The following SLC25A13 variants were observed in gnomAD, a reference collection of about 807,000 sequenced individuals.
SLC25A13 encodes the protein solute carrier family 25 member 13.
In SLC25A13, 70 loss-of-function variants were observed where a neutral mutation model predicts 85.5. The observed-to-expected ratio is 0.82, with a 90% confidence interval of 0.68 to 1.00. The LOEUF (loss-of-function observed/expected upper bound fraction) is 1.00. SLC25A13 is among the 50% of genes least tolerant of loss of function. The pLI is 0.00. For missense variants in SLC25A13, 765 were observed against 819.8 expected, an observed-to-expected ratio of 0.93 and a Z score of 0.82; for synonymous variants, 259 against 288.7, an observed-to-expected ratio of 0.90 and a Z score of 1.04.
intron 11 of SLC25A13, among the ~76,000 whole-genome samples, chr7:96,171,868 T>C (rs1009016182): frequency 3.3e-5 from 5 of 152,190 alleles, no homozygotes; most frequent in African/African-American, 1.2e-4. Context: ...AGGACCAATT[T>C]TGGGGAAGGC....
chr7:96,235,661 G>C (rs911392839), intron 3 of SLC25A13, among the ~76,000 whole-genome samples: 1 of 152,178 alleles, frequency 6.6e-6, no homozygotes, highest in African/African-American at 2.4e-5. Flanking sequence ...GGAGTGTACA[G>C]GGAAACTGAT....
intron 3 of SLC25A13, among the ~76,000 whole-genome samples, chr7:96,262,328 G>A (rs1797883434): frequency 6.6e-6 from 1 of 152,180 alleles, no homozygotes; most frequent in Admixed American, 6.5e-5. Context: ...AAAGAGGAAA[G>A]AACAGTATTT....
intron 3 of SLC25A13, among the ~76,000 whole-genome samples, chr7:96,255,857 T>C (rs1349990637): frequency 1.3e-5 from 2 of 152,070 alleles, no homozygotes; most frequent in African/African-American, 2.4e-5. Flanking sequence ...GGGAAGCCCA[T>C]CAGACTAACA....
At chr7:96,246,444 A>G (rs115771650) in intron 3 of SLC25A13, among the ~76,000 whole-genome samples, 3,161 of 151,896 alleles carry the variant, frequency 0.021, 102 homozygotes, top group African/African-American at 0.07. Context: ...AATATTCTAA[A>G]ACGAACAAAA....
chr7:96,214,785 CAATA>C (rs1447983353), intron 4 of SLC25A13, among the ~76,000 whole-genome samples: 1 of 151,534 alleles, frequency 6.6e-6, no homozygotes, highest in Non-Finnish European at 1.5e-5. Flanking sequence ...GCCTCAAAAA[CAATA>C]AAATACTTAG....
chr7:96,173,708 C>T (rs1192753886), intron 11 of SLC25A13, among the ~76,000 whole-genome samples: 1 of 152,198 alleles, frequency 6.6e-6, no homozygotes, highest in African/African-American at 2.4e-5. Context: ...AGCCATCTCA[C>T]CTGTCCTGAG....
intron 1 of SLC25A13, among the ~76,000 whole-genome samples, chr7:96,319,236 G>A (rs1182148455): frequency 1.3e-5 from 2 of 152,106 alleles, no homozygotes. Context: ...TTCAAATGCC[G>A]TTCACTCACA....
chr7:96,321,363 T>C (rs1289622633), intron 1 of SLC25A13, among the ~76,000 whole-genome samples: 1 of 151,878 alleles, frequency 6.6e-6, no homozygotes, highest in African/African-American at 2.4e-5. Flanking sequence ...ATGGGAATGA[T>C]GGGAAAGCGG....
chr7:96,144,385 A>G (rs1792691809), intron 14 of SLC25A13, among the ~76,000 whole-genome samples: 1 of 152,156 alleles, frequency 6.6e-6, no homozygotes, highest in African/African-American at 2.4e-5. Context: ...GAAGATAGAG[A>G]TTACTAGGTC....
At chr7:96,287,446 C>T (rs1414715978) in intron 2 of SLC25A13, among the ~76,000 whole-genome samples, 3 of 152,144 alleles carry the variant, frequency 2.0e-5, no homozygotes, top group African/African-American at 4.8e-5. Flanking sequence ...ATTCCACCCT[C>T]GGCCTTCAAG....
chr7:96,146,550 A>G lies in SLC25A13; in HGVS notation c.1452+6T>C. The stretch of plus-strand genomic sequence containing the variant: ...AAATAAATGACTAAAAAAAAAAAAA[A>G]GTTACCTTGTAGATCCCAAAAAACC... On this transcript the variant is annotated splice_donor_region_variant and intron_variant, in intron 14 of 17. Coordinates refer to ENST00000265631, the MANE Select transcript of SLC25A13 (RefSeq NM_014251.3). 2.5e-6 allele frequency: 4 copies of G among 1,610,410 alleles called. No homozygotes were observed. The highest frequency in any genetic ancestry group is 3.4e-6 in the Non-Finnish European group (4 of 1,179,088).
chr7:96,175,212 G>A (rs1180939109), intron 11 of SLC25A13, among the ~76,000 whole-genome samples: 4 of 152,264 alleles, frequency 2.6e-5, no homozygotes, highest in South Asian at 4.1e-4. Context: ...GAGGTTCCCC[G>A]GAAAGATGAG....
At chr7:96,267,317 G>A (rs1214029191) in intron 3 of SLC25A13, among the ~76,000 whole-genome samples, 3 of 152,106 alleles carry the variant, frequency 2.0e-5, no homozygotes, top group African/African-American at 7.2e-5. Context: ...TTCACCTTGT[G>A]AAATCTTTAA....
intron 4 of SLC25A13, among the ~76,000 whole-genome samples, chr7:96,216,809 T>C (rs963502288): frequency 1.3e-5 from 2 of 151,894 alleles, no homozygotes; most frequent in Non-Finnish European, 2.9e-5. Context: ...AGGCTTAATA[T>C]CTGAGTGATG....
In SLC25A13 at chr7:96,189,352, C is replaced by T. The variant is rs375472754; in HGVS notation, c.875G>A (p.Arg292Gln). 1.4e-5 allele frequency: 23 copies of T among 1,614,000 alleles called. No individual in the cohort carries two copies. The highest frequency in any genetic ancestry group is 1.9e-5 in the Non-Finnish European group (23 of 1,180,032). Residue 292 changes from arginine to glutamine, a missense_variant, in exon 9 of 18, where the codon CGG becomes CAG. Coordinates refer to ENST00000265631, the MANE Select transcript of SLC25A13 (RefSeq NM_014251.3). ...RGRMTLADIERIAPLEEGTLP... is the reference protein window; with the variant it reads ...RGRMTLADIEQIAPLEEGTLP... ...AGTTCCCTCTTCCAGAGGAGCAATC[C>T]GTTCAATGTCTGCTAAGGTCATACG...
chr7:96,307,900 C>G (rs1799812608), intron 1 of SLC25A13, among the ~76,000 whole-genome samples: 2 of 151,776 alleles, frequency 1.3e-5, no homozygotes, highest in South Asian at 4.2e-4. Context: ...GCCTGTAATC[C>G]CAGCACTTTG....
intron 1 of SLC25A13, among the ~76,000 whole-genome samples, chr7:96,311,469 C>A (rs1379302139): frequency 6.6e-6 from 1 of 152,136 alleles, no homozygotes; most frequent in African/African-American, 2.4e-5. Flanking sequence ...CAGCAAAGTC[C>A]AAATTGTGGG....
chr7:96,123,706 G>C (rs1014684423), intron 15 of SLC25A13, among the ~76,000 whole-genome samples: 9 of 152,150 alleles, frequency 5.9e-5, no homozygotes, highest in Admixed American at 5.2e-4. Flanking sequence ...TGGACATCTT[G>C]GTGGACAGGA....
intron 3 of SLC25A13, among the ~76,000 whole-genome samples, chr7:96,242,898 G>A (rs1240373907): frequency 6.6e-6 from 1 of 152,200 alleles, no homozygotes; most frequent in African/African-American, 2.4e-5. Context: ...GATCTCCTGA[G>A]GGCTGTGTCA....
Sources: gnomAD v4.1 joint callset for allele counts (sites outside exome capture counted in the v4.1 genomes callset) on GRCh38, gnomAD v4.1.1 for gene constraint, MANE v1.5 for transcripts, NCBI Gene and HGNC (gene_info 2026-07-23, HGNC 2026-07-21) for gene names.